PITPNC1: variants seen among roughly 807,000 people sequenced by gnomAD.
PITPNC1 encodes the protein cytoplasmic phosphatidylinositol transfer protein 1.
In PITPNC1, 18 loss-of-function variants were observed where a neutral mutation model predicts 44.7. The ratio of observed to expected loss-of-function variants is 0.40; its 90% CI spans 0.28 to 0.60. The LOEUF is 0.60. Among genes scored for constraint, PITPNC1 ranks in the 20% least tolerant of loss-of-function variants. The pLI is 0.39. For missense variants in PITPNC1, 290 were observed against 418.4 expected, an observed-to-expected ratio of 0.69 and a Z score of 2.68; for synonymous variants, 141 against 149.6, an observed-to-expected ratio of 0.94 and a Z score of 0.42.
chr17:67,384,037 C>CA (rs2038004854), intron 1 of PITPNC1, among the ~76,000 whole-genome samples: 2 of 151,796 alleles, frequency 1.3e-5, no homozygotes, highest in African/African-American at 2.4e-5. Context: ...AACTCTGTCT[C>CA]AAAAAAACAA....
chr17:67,589,116 T>C (rs1319966538), intron 5 of PITPNC1, among the ~76,000 whole-genome samples: 1 of 152,232 alleles, frequency 6.6e-6, no homozygotes, highest in African/African-American at 2.4e-5. Context: ...AATCTGTGTC[T>C]AATGGTGTCA....
chr17:67,493,126 A>G (rs1162870831), intron 1 of PITPNC1, among the ~76,000 whole-genome samples: 1 of 152,218 alleles, frequency 6.6e-6, no homozygotes, highest in Non-Finnish European at 1.5e-5. Context: ...TGTGAAATGG[A>G]GAATCCAATG....
Position 67,420,859 on chromosome 17 carries a change from A to C in PITPNC1, c.48+42657A>C, listed in dbSNP as rs565513872. Reference sequence around the variant, plus strand: ...TTTCCAGTGTTTCTTCTGATCAATCAATAGCCCTTTACTCATACTAACTAT... The same window carrying C: ...TTTCCAGTGTTTCTTCTGATCAATCCATAGCCCTTTACTCATACTAACTAT... On this transcript the variant is annotated intron_variant, in intron 1 of 8. Transcript: ENST00000581322. Among the ~76,000 whole-genome samples, 18 of 152,322 alleles carry C rather than the reference A, an allele frequency of 1.2e-4. No homozygotes were observed. The South Asian group carries it at 3.3e-3, about 28-fold the overall frequency.
chr17:67,406,920 A>C (rs1294146097), intron 1 of PITPNC1, among the ~76,000 whole-genome samples: 3 of 152,216 alleles, frequency 2.0e-5, no homozygotes, highest in Non-Finnish European at 4.4e-5. Flanking sequence ...GTATGGATAT[A>C]CATATATATT....
intron 8 of PITPNC1, among the ~76,000 whole-genome samples, chr17:67,692,274 C>T (rs2042942134): frequency 6.6e-6 from 1 of 152,132 alleles, no homozygotes; most frequent in African/African-American, 2.4e-5. Flanking sequence ...CATATTTCCC[C>T]CGTCTAGTTC....
intron 1 of PITPNC1, among the ~76,000 whole-genome samples, chr17:67,519,827 T>C (rs2040303598): frequency 6.6e-6 from 1 of 152,166 alleles, no homozygotes; most frequent in Non-Finnish European, 1.5e-5. Flanking sequence ...CCTTGCTAGG[T>C]AGTTACCAGA....
chr17:67,616,564 C>G (rs564584425), intron 5 of PITPNC1, among the ~76,000 whole-genome samples: 3 of 152,290 alleles, frequency 2.0e-5, no homozygotes, highest in Non-Finnish European at 4.4e-5. Context: ...TCTTCTTCCT[C>G]ACCCTTTATT....
At chr17:67,654,790 G>A (rs542258701) in intron 6 of PITPNC1, among the ~76,000 whole-genome samples, 98 of 152,172 alleles carry the variant, frequency 6.4e-4, no homozygotes, top group African/African-American at 2.2e-3. Context: ...GCGCCACCAC[G>A]CCCAACTAGT....
At chr17:67,687,205 A>G (rs779641692) in intron 8 of PITPNC1, 2 of 1,279,036 alleles carry the variant, frequency 1.6e-6, no homozygotes, top group Non-Finnish European at 2.3e-6. Flanking sequence ...TTTTTAAAAC[A>G]TGTTGCCCAC....
intron 1 of PITPNC1, among the ~76,000 whole-genome samples, chr17:67,405,157 G>A (rs1353755061): frequency 6.6e-6 from 1 of 152,068 alleles, no homozygotes; most frequent in Non-Finnish European, 1.5e-5. Flanking sequence ...TGAGGCATGA[G>A]AATCACTTGA....
intron 6 of PITPNC1, among the ~76,000 whole-genome samples, chr17:67,666,565 C>T (rs2144395884): frequency 6.6e-6 from 1 of 152,316 alleles, no homozygotes; most frequent in South Asian, 2.1e-4. Context: ...TTTTATGCTA[C>T]ACTCATGGTG....
intron 4 of PITPNC1, among the ~76,000 whole-genome samples, chr17:67,553,874 T>G (rs1184992786): frequency 6.6e-6 from 1 of 152,244 alleles, no homozygotes; most frequent in Non-Finnish European, 1.5e-5. Flanking sequence ...TTGTAATTTT[T>G]AAATAGCTTG....
intron 5 of PITPNC1, among the ~76,000 whole-genome samples, chr17:67,629,950 A>G (rs144407656): frequency 2.9e-4 from 44 of 152,364 alleles, no homozygotes; most frequent in African/African-American, 9.4e-4. Context: ...CCAGTCTCCA[A>G]ATATTTAGAA....
intron 1 of PITPNC1, among the ~76,000 whole-genome samples, chr17:67,393,637 T>A (rs1449153756): frequency 6.6e-6 from 1 of 152,192 alleles, no homozygotes; most frequent in Non-Finnish European, 1.5e-5. Context: ...TTTAGAAATA[T>A]TACTGTATCA....
At chr17:67,648,263 G>C (rs2042173615) in intron 6 of PITPNC1, among the ~76,000 whole-genome samples, 1 of 152,286 alleles carries the variant, frequency 6.6e-6, no homozygotes, top group South Asian at 2.1e-4. Flanking sequence ...ATAAACTTAA[G>C]CTATCTCTAG....
intron 1 of PITPNC1, among the ~76,000 whole-genome samples, chr17:67,462,216 TC>T (rs2039348684): frequency 1.5e-5 from 2 of 130,334 alleles, no homozygotes; most frequent in African/African-American, 7.5e-5. Context: ...TTTTTCTCTT[TC>T]TTTCTTTCTT....
At chr17:67,389,975 G>A (rs1307078258) in intron 1 of PITPNC1, among the ~76,000 whole-genome samples, 1 of 152,024 alleles carries the variant, frequency 6.6e-6, no homozygotes, top group Non-Finnish European at 1.5e-5. Flanking sequence ...CACCGTGCCC[G>A]GCCAAAGCTG....
chr17:67,644,362 C>T (rs900737748), intron 6 of PITPNC1, among the ~76,000 whole-genome samples: 1 of 151,588 alleles, frequency 6.6e-6, no homozygotes, highest in Non-Finnish European at 1.5e-5. Flanking sequence ...GGCTCTCAGC[C>T]AGGAGTGAAC....
chr17:67,649,738 A>C (rs554078164), intron 6 of PITPNC1, among the ~76,000 whole-genome samples: 33 of 152,042 alleles, frequency 2.2e-4, no homozygotes, highest in Non-Finnish European at 4.1e-4. Flanking sequence ...TACTAAAAAA[A>C]ATTTTTTTTT....
Sources: gnomAD v4.1 joint callset for allele counts (sites outside exome capture counted in the v4.1 genomes callset) on GRCh38, gnomAD v4.1.1 for gene constraint, MANE v1.5 for transcripts, NCBI Gene and HGNC (gene_info 2026-07-23, HGNC 2026-07-21) for gene names.